The following LEMD3 variants were observed in gnomAD, a reference collection of about 807,000 sequenced individuals.
The protein encoded by LEMD3 is LEM domain containing 3, also known as inner nuclear membrane protein Man1.
LEMD3 carries 33 observed loss-of-function variants against 95.2 expected under a neutral mutation model. That is an observed-to-expected ratio of 0.35 (90% CI 0.26 to 0.46). The LOEUF (loss-of-function observed/expected upper bound fraction) is 0.46. Ranked by LOEUF, LEMD3 falls within the 20% of genes least tolerant of loss-of-function variation. The probability of loss-of-function intolerance (pLI) is 1.00; values close to 1 mark genes in which losing one functional copy is unlikely to be tolerated. For synonymous variants in LEMD3, 525 were observed against 474.6 expected, an observed-to-expected ratio of 1.11 and a Z score of -1.38; for missense variants, 1,210 against 1,192.8, an observed-to-expected ratio of 1.01 and a Z score of -0.21.
chr12:65,228,446 A>G (rs1291984763), intron 4 of LEMD3, among the ~76,000 whole-genome samples: 1 of 148,294 alleles, frequency 6.7e-6, no homozygotes, highest in African/African-American at 2.5e-5. Flanking sequence ...CCCAGGCTGG[A>G]GTGCAGTGGC....
intron 1 of LEMD3, among the ~76,000 whole-genome samples, chr12:65,182,438 C>T (rs1418844737): frequency 6.6e-6 from 1 of 152,070 alleles, no homozygotes; most frequent in Non-Finnish European, 1.5e-5. Flanking sequence ...GTTTAAGCAA[C>T]ACATGTTCAG....
chr12:65,206,938 GT>G (rs760463931), intron 1 of LEMD3, among the ~76,000 whole-genome samples: 50 of 152,002 alleles, frequency 3.3e-4, no homozygotes, highest in Non-Finnish European at 1.0e-4. Context: ...TATGATGAGA[GT>G]TATGTATGCT....
intron 1 of LEMD3, among the ~76,000 whole-genome samples, chr12:65,183,928 A>T (rs1486267112): frequency 6.6e-6 from 1 of 152,168 alleles, no homozygotes; most frequent in Non-Finnish European, 1.5e-5. Flanking sequence ...AACATGTAGA[A>T]TGGAGAGATG....
intron 1 of LEMD3, among the ~76,000 whole-genome samples, chr12:65,179,287 A>AATG (rs1216532870): frequency 6.6e-6 from 1 of 152,092 alleles, no homozygotes; most frequent in African/African-American, 2.4e-5. Flanking sequence ...TTTTAATGGA[A>AATG]ATGATGCATT....
chr12:65,207,042 G>A (rs1869784388), intron 1 of LEMD3, among the ~76,000 whole-genome samples: 1 of 152,006 alleles, frequency 6.6e-6, no homozygotes, highest in Non-Finnish European at 1.5e-5. Context: ...ACCTCAACAT[G>A]TCTCAATATT....
At chr12:65,215,510 C>T (rs923971341) in intron 2 of LEMD3, among the ~76,000 whole-genome samples, 2 of 152,138 alleles carry the variant, frequency 1.3e-5, no homozygotes, top group African/African-American at 2.4e-5. Context: ...TATACAGGGG[C>T]ACCTTGGGAG....
Position 65,177,786 on chromosome 12 carries a change from A to G in LEMD3, c.1522+6668A>G, listed in dbSNP as rs183089968. Among the ~76,000 whole-genome samples, 24 of 152,016 alleles carry G rather than the reference A, an allele frequency of 1.6e-4. No homozygotes were observed. In the East Asian group the frequency reaches 3.3e-3, roughly 21 times the overall value. On this transcript the variant is annotated intron_variant, in intron 1 of 12. Coordinates refer to ENST00000308330, the MANE Select transcript of LEMD3 (RefSeq NM_014319.5). ...CTAGCCAAAAGGTCCCGAACTTGGT[A>G]TCTAAAATGAATATGGGGAATAAGG... is the stretch of plus-strand genomic sequence containing the variant.
intron 1 of LEMD3, among the ~76,000 whole-genome samples, chr12:65,191,096 G>A (rs969067946): frequency 5.3e-5 from 8 of 151,876 alleles, no homozygotes; most frequent in Non-Finnish European, 1.0e-4. Flanking sequence ...ACAATTTTAT[G>A]AACCAGTTTC....
chr12:65,224,640 G>A (rs543589658), intron 4 of LEMD3, among the ~76,000 whole-genome samples: 13 of 152,024 alleles, frequency 8.6e-5, no homozygotes, highest in African/African-American at 1.9e-4. Flanking sequence ...AGTAGCTTGC[G>A]TCTTGGCTGC....
intron 5 of LEMD3, 36 bp downstream of exon 5, chr12:65,238,617 C>T: frequency 6.2e-7 from 1 of 1,612,000 alleles, no homozygotes; most frequent in Non-Finnish European, 8.5e-7. Flanking sequence ...CCATTCTGTA[C>T]TGGGAGAAAT....
chr12:65,205,098 G>A (rs980680990), intron 1 of LEMD3, among the ~76,000 whole-genome samples: 2 of 152,088 alleles, frequency 1.3e-5, no homozygotes, highest in African/African-American at 4.8e-5. Context: ...TGAGGCGGCC[G>A]GAGAGAGAGA....
chr12:65,234,346 G>A (rs1870714672), intron 4 of LEMD3, among the ~76,000 whole-genome samples: 2 of 152,284 alleles, frequency 1.3e-5, no homozygotes, highest in South Asian at 4.1e-4. Flanking sequence ...TTTCCAGGTG[G>A]CTACAAAAAG....
In LEMD3 at chr12:65,246,454, G is replaced by A. The variant is rs536443053; in HGVS notation, c.*129G>A. On this transcript the variant is annotated 3_prime_UTR_variant, in exon 13 of 13. Transcript: ENST00000308330. ...GATGAATACATCTCTGAACGTTCCA[G>A]AAGTCTTAAGGTTCCAAAGGGATTT... 1.3e-4 allele frequency: 101 copies of A among 766,774 alleles called. No homozygotes were observed. Among genetic ancestry groups the A allele is most frequent in the South Asian group, 9.2e-4 (61 of 65,980 alleles). 47.5% of individuals were successfully genotyped at this position (766,774 alleles called of 1,614,324 possible). A position where few individuals can be genotyped will look rare whatever the true frequency, so the allele number is the denominator to read the frequency against.
chr12:65,241,711 T>C (rs1340984023), intron 9 of LEMD3, among the ~76,000 whole-genome samples: 1 of 152,166 alleles, frequency 6.6e-6, no homozygotes, highest in African/African-American at 2.4e-5. Flanking sequence ...CATCAGAAAA[T>C]TATGACTTTT....
At chr12:65,238,430 G>A in intron 4 of LEMD3, 72 bp from the exon 5 acceptor site, 3 of 898,704 alleles carry the variant, frequency 3.3e-6, no homozygotes, top group Non-Finnish European at 5.5e-6. Context: ...TATAGAGTGT[G>A]TTATAAAGGA....
chr12:65,237,437 T>C (rs1870805601), intron 4 of LEMD3, among the ~76,000 whole-genome samples: 1 of 152,178 alleles, frequency 6.6e-6, no homozygotes, highest in Non-Finnish European at 1.5e-5. Flanking sequence ...TTTGATACCA[T>C]ACCAAACCTC....
chr12:65,205,535 GT>G (rs1452201499), intron 1 of LEMD3, among the ~76,000 whole-genome samples: 2 of 152,058 alleles, frequency 1.3e-5, no homozygotes, highest in Non-Finnish European at 2.9e-5. Flanking sequence ...CATGTTTAAA[GT>G]TTTTATTTTT....
intron 1 of LEMD3, among the ~76,000 whole-genome samples, chr12:65,185,248 T>G (rs1488367928): frequency 1.3e-5 from 2 of 152,186 alleles, no homozygotes; most frequent in African/African-American, 4.8e-5. Context: ...GTGATTATCT[T>G]TAGTGAGGAT....
rs551873632 is a variant in LEMD3 at position 65,206,501 on chromosome 12, A to G, written c.1523-4425A>G. Among the ~76,000 whole-genome samples the G allele has an allele frequency of 2.3e-4, 35 of 152,270 alleles. 1 individual carries two copies. The highest frequency in any genetic ancestry group is 8.2e-4 in the African/African-American group (34 of 41,554). Reference sequence around the variant, plus strand: ...GTAGGCACTTTATATGTTTGCGAATATTTTATGTTGGAAGATGAAGCCAAA... The same window carrying G: ...GTAGGCACTTTATATGTTTGCGAATGTTTTATGTTGGAAGATGAAGCCAAA... On this transcript the variant is annotated intron_variant, in intron 1 of 12. Transcript: ENST00000308330.
Sources: gnomAD v4.1 joint callset for allele counts (sites outside exome capture counted in the v4.1 genomes callset) on GRCh38, gnomAD v4.1.1 for gene constraint, MANE v1.5 for transcripts, NCBI Gene and HGNC (gene_info 2026-07-23, HGNC 2026-07-21) for gene names.